The following FOXN3 variants were observed in gnomAD, a reference collection of about 807,000 sequenced individuals.
FOXN3 encodes the protein forkhead box protein N3.
FOXN3 carries 7 observed loss-of-function variants against 38.4 expected under a neutral mutation model. That is an observed-to-expected ratio of 0.18 (90% CI 0.10 to 0.34). FOXN3 has a LOEUF of 0.34. FOXN3 is among the 10% of genes least tolerant of loss of function. FOXN3 has a pLI of 1.00. For missense variants in FOXN3, 456 were observed against 613.4 expected (o/e 0.74, Z 2.71); for synonymous variants, 230 against 242.2 (o/e 0.95, Z 0.47).
chr14:89,480,038 C>T (rs1271217298), intron 1 of FOXN3, among the ~76,000 whole-genome samples: 1 of 152,116 alleles, frequency 6.6e-6, no homozygotes, highest in African/African-American at 2.4e-5. Context: ...TACATTTGGC[C>T]TGTTTGTATC....
chr14:89,341,461 C>T (rs1283925997), intron 3 of FOXN3, among the ~76,000 whole-genome samples: 3 of 152,172 alleles, frequency 2.0e-5, no homozygotes, highest in Non-Finnish European at 4.4e-5. Flanking sequence ...TATCAATCCC[C>T]CATTCTATGT....
chr14:89,318,037 T>A (rs1887775869), intron 3 of FOXN3, among the ~76,000 whole-genome samples: 1 of 151,566 alleles, frequency 6.6e-6, no homozygotes, highest in Non-Finnish European at 1.5e-5. Context: ...GCCAAAAAGG[T>A]TGGGGACTGC....
At chr14:89,571,464 G>A (rs980078730) in intron 1 of FOXN3, among the ~76,000 whole-genome samples, 3 of 150,988 alleles carry the variant, frequency 2.0e-5, no homozygotes, top group African/African-American at 7.3e-5. Context: ...AGCCGAGATT[G>A]TGCCACTACA....
At chr14:89,199,276 CA>C (rs1888175718) in intron 4 of FOXN3, among the ~76,000 whole-genome samples, 1 of 152,166 alleles carries the variant, frequency 6.6e-6, no homozygotes, top group Non-Finnish European at 1.5e-5. Context: ...AGACAGGAGA[CA>C]AAGTGACGCC....
intron 1 of FOXN3, among the ~76,000 whole-genome samples, chr14:89,426,479 G>T (rs563855079): frequency 6.6e-6 from 1 of 151,824 alleles, no homozygotes; most frequent in Admixed American, 6.6e-5. Flanking sequence ...CACCCGCCTC[G>T]GCCTCCCAAA....
intron 5 of FOXN3, among the ~76,000 whole-genome samples, chr14:89,173,783 G>C (rs764998383): frequency 2.6e-5 from 4 of 152,188 alleles, no homozygotes; most frequent in Non-Finnish European, 5.9e-5. Context: ...TTGCGCCCAG[G>C]AGTTCGAGAT....
intron 3 of FOXN3, among the ~76,000 whole-genome samples, chr14:89,331,034 G>A (rs1331282722): frequency 6.6e-6 from 1 of 152,240 alleles, no homozygotes; most frequent in East Asian, 1.9e-4. Context: ...ATTTTGGAAT[G>A]TGTGATAAAA....
chr14:89,213,221 T>G (rs1167984643), intron 4 of FOXN3, among the ~76,000 whole-genome samples: 1 of 152,198 alleles, frequency 6.6e-6, no homozygotes, highest in Non-Finnish European at 1.5e-5. Context: ...CAGCTCTGAA[T>G]CCTTGCCTTT....
intron 3 of FOXN3, among the ~76,000 whole-genome samples, chr14:89,328,974 C>T (rs770803535): frequency 4.6e-5 from 7 of 152,340 alleles, no homozygotes; most frequent in Admixed American, 6.5e-5. Context: ...TCAGAGGCCA[C>T]GGATGCAGGC....
chr14:89,270,509 T>C (rs1467316011), intron 4 of FOXN3, among the ~76,000 whole-genome samples: 1 of 152,218 alleles, frequency 6.6e-6, no homozygotes, highest in Non-Finnish European at 1.5e-5. Flanking sequence ...AGTACTACTA[T>C]CTATTTGACT....
chr14:89,167,840 C>T (rs539974240), intron 5 of FOXN3, among the ~76,000 whole-genome samples: 11 of 152,328 alleles, frequency 7.2e-5, no homozygotes, highest in East Asian at 1.9e-4. Context: ...CTATAGCGAA[C>T]GTCTGCCCTC....
At chr14:89,608,465 T>G (rs1346288588) in intron 1 of FOXN3, among the ~76,000 whole-genome samples, 1 of 152,254 alleles carries the variant, frequency 6.6e-6, no homozygotes, top group Non-Finnish European at 1.5e-5. Flanking sequence ...ATAAAAACTT[T>G]TGTTTCATCT....
intron 3 of FOXN3, among the ~76,000 whole-genome samples, chr14:89,333,762 A>C (rs966917382): frequency 0.016 from 1,973 of 120,970 alleles, 79 homozygotes; most frequent in African/African-American, 0.047. Flanking sequence ...AAAAAAAAAA[A>C]AAAAAAAAAA....
intron 1 of FOXN3, among the ~76,000 whole-genome samples, chr14:89,509,417 C>G (rs1894013467): frequency 6.6e-6 from 1 of 152,188 alleles, no homozygotes. Context: ...TCACTGCAAC[C>G]TCCACCTCCT....
At chr14:89,532,931 C>T (rs978651043) in intron 1 of FOXN3, among the ~76,000 whole-genome samples, 2 of 152,144 alleles carry the variant, frequency 1.3e-5, no homozygotes, top group Non-Finnish European at 2.9e-5. Context: ...CTGAGAGATA[C>T]ATTAAACTGA....
At chr14:89,181,603 G>A (rs1033047323) in intron 4 of FOXN3, among the ~76,000 whole-genome samples, 5 of 152,016 alleles carry the variant, frequency 3.3e-5, no homozygotes, top group Non-Finnish European at 5.9e-5. Flanking sequence ...CTAAACACAC[G>A]CATCCCTGGA....
chr14:89,197,769 T>A (rs1443880462), intron 4 of FOXN3, among the ~76,000 whole-genome samples: 1 of 152,102 alleles, frequency 6.6e-6, no homozygotes, highest in African/African-American at 2.4e-5. Flanking sequence ...AACATCAGGC[T>A]CCACCCTAGC....
intron 1 of FOXN3, among the ~76,000 whole-genome samples, chr14:89,452,053 C>T (rs1287659033): frequency 6.6e-6 from 1 of 152,126 alleles, no homozygotes; most frequent in Non-Finnish European, 1.5e-5. Context: ...TCCTTACCCT[C>T]TATTCCCTAG....
intron 1 of FOXN3, among the ~76,000 whole-genome samples, chr14:89,539,803 G>T (rs1335159268): frequency 6.6e-6 from 1 of 152,182 alleles, no homozygotes; most frequent in Non-Finnish European, 1.5e-5. Flanking sequence ...GCTCGTTAGG[G>T]TTAGTCCACG....
Sources: allele counts gnomAD v4.1 joint callset (sites outside exome capture counted in the v4.1 genomes callset), GRCh38; gene constraint gnomAD v4.1.1; transcripts MANE v1.5; gene names NCBI Gene and HGNC (gene_info 2026-07-23, HGNC 2026-07-21).